Variants in TPTE observed in about 807,000 individuals in gnomAD.
TPTE encodes the protein putative tyrosine-protein phosphatase TPTE.
Under a neutral mutation model 84.1 loss-of-function variants are expected in TPTE, and 59 were observed. The ratio of observed to expected loss-of-function variants is 0.70; its 90% CI spans 0.57 to 0.87. TPTE has a LOEUF of 0.87. Ranked by LOEUF, TPTE falls within the 40% of genes least tolerant of loss-of-function variation. TPTE has a pLI of 0.00. For missense variants in TPTE, 382 were observed against 659.6 expected (o/e 0.58, Z 4.61); for synonymous variants, 130 against 223.5 (o/e 0.58, Z 3.73).
chr21:10,558,783 C>G (rs1448288713), intron 8 of TPTE, among the ~76,000 whole-genome samples: 1 of 152,090 alleles, frequency 6.6e-6, no homozygotes. Context: ...TGAAGAGCCT[C>G]CAACACAGGA....
At chr21:10,580,124 C>T (rs1246777435) in intron 17 of TPTE, among the ~76,000 whole-genome samples, 1 of 152,308 alleles carries the variant, frequency 6.6e-6, no homozygotes, top group Non-Finnish European at 1.5e-5. Context: ...AGCATTTTCT[C>T]ATTATACCTC....
chr21:10,586,368 G>A (rs534567044), intron 17 of TPTE, among the ~76,000 whole-genome samples: 1 of 152,182 alleles, frequency 6.6e-6, no homozygotes, highest in African/African-American at 2.4e-5. Flanking sequence ...TGAGAATTTT[G>A]TATTTATCTT....
Position 10,561,184 on chromosome 21 carries a change from G to A in TPTE, c.439G>A (p.Val147Ile), listed in dbSNP as rs117465555. The A allele has an allele frequency of 3.7e-3, 5,940 of 1,602,610 alleles. No individual in the cohort carries two copies. Among genetic ancestry groups the A allele is most frequent in the Non-Finnish European group, 4.4e-3 (5,195 of 1,171,354 alleles). Residue 147 changes from valine (V) to isoleucine (I), a missense_variant, in exon 10 of 24, where the codon GTA becomes ATA. Physicochemically the swap from Val to Ile is conservative, Grantham distance 29. Transcript: ENST00000618007. ...CATGGATGTTCTTCTTCGAGTATTT[G>A]TAGAAAGGTAAGTTTGATTATTTTT... ...FLMDVLLRVF[V>I]ERRQQYFSDL...
intron 14 of TPTE, among the ~76,000 whole-genome samples, chr21:10,574,995 GCAT>G (rs1230305459): frequency 3.9e-5 from 6 of 152,406 alleles, no homozygotes; most frequent in African/African-American, 1.4e-4. Flanking sequence ...GAGCCAGGCA[GCAT>G]CATTCTGCAG....
At chr21:10,572,042 C>G (rs1266033438) in intron 14 of TPTE, among the ~76,000 whole-genome samples, 1 of 152,108 alleles carries the variant, frequency 6.6e-6, no homozygotes, top group Non-Finnish European at 1.5e-5. Context: ...GCTTTAAAAA[C>G]AGACATGGGA....
Position 10,541,123 on chromosome 21 carries a change from C to T in TPTE, c.23C>T (p.Thr8Ile), listed in dbSNP as rs1302263000. The T allele has an allele frequency of 4.3e-6, 7 of 1,613,196 alleles. No individual in the cohort carries two copies. Among genetic ancestry groups the T allele is most frequent in the Admixed American group, 1.7e-5 (1 of 59,988 alleles). The change falls in exon 5 of 24, where the codon ACT becomes ATT. Residue 8 changes from threonine (T) to isoleucine (I), a missense_variant. Physicochemically the swap from Thr to Ile is moderately conservative, Grantham distance 89. Transcript: ENST00000618007. The stretch of plus-strand genomic sequence containing the variant: ...TATTTGTCCTTTAGTCCTGATCCGA[C>T]TGACCTGGCGGGAGTCATCATTGAG... MNESPDP[T>I]DLAGVIIELG...
chr21:10,573,800 T>C (rs1357763520), intron 14 of TPTE, among the ~76,000 whole-genome samples: 1 of 152,312 alleles, frequency 6.6e-6, no homozygotes, highest in African/African-American at 2.4e-5. Context: ...CCATGTGGTC[T>C]CTCATTCTCC....
intron 18 of TPTE, 97 bp downstream of exon 18, chr21:10,590,620 G>C: frequency 1.3e-6 from 2 of 1,570,214 alleles, no homozygotes; most frequent in Non-Finnish European, 1.7e-6. Flanking sequence ...TTTTAGTCAT[G>C]GTGCTTAGTA....
intron 9 of TPTE, among the ~76,000 whole-genome samples, 187 bp from the exon 10 acceptor site, chr21:10,560,843 T>A (rs1282040315): frequency 2.6e-5 from 4 of 152,428 alleles, no homozygotes; most frequent in Non-Finnish European, 2.9e-5. Flanking sequence ...GAACTGCTTC[T>A]ATTGGGTGAA....
intron 22 of TPTE, 71 bp from the exon 23 acceptor site, chr21:10,603,486 AGAAAG>A (rs1978843245): frequency 1.2e-5 from 17 of 1,398,898 alleles, no homozygotes; most frequent in African/African-American, 1.4e-5. Context: ...AAAAGAATAA[AGAAAG>A]GAACTTCAAT....
intron 21 of TPTE, among the ~76,000 whole-genome samples, chr21:10,599,321 C>T (rs2075646956): frequency 6.6e-6 from 1 of 152,310 alleles, no homozygotes; most frequent in Non-Finnish European, 1.5e-5. Flanking sequence ...GCCTAGATTT[C>T]CGCAGTGGTC....
intron 8 of TPTE, among the ~76,000 whole-genome samples, chr21:10,557,194 G>T (rs1259007600): frequency 6.6e-6 from 1 of 152,304 alleles, no homozygotes; most frequent in African/African-American, 2.4e-5. Context: ...GCTATGCTTC[G>T]TGTTGCTTCA....
intron 1 of TPTE, among the ~76,000 whole-genome samples, chr21:10,523,687 C>G (rs2074028473): frequency 1.3e-5 from 2 of 152,292 alleles, no homozygotes; most frequent in Non-Finnish European, 2.9e-5. Flanking sequence ...TTTCTTAATC[C>G]AGTCTATCAT....
At chr21:10,591,159 A>G (rs1448476569) in intron 18 of TPTE, among the ~76,000 whole-genome samples, 1 of 152,310 alleles carries the variant, frequency 6.6e-6, no homozygotes, top group East Asian at 1.9e-4. Context: ...TAGTCAATAC[A>G]TGTGGAGTCT....
chr21:10,539,553 C>T (rs1298394536), intron 4 of TPTE, among the ~76,000 whole-genome samples: 1 of 152,308 alleles, frequency 6.6e-6, no homozygotes, highest in African/African-American at 2.4e-5. Flanking sequence ...GTGCATTGGC[C>T]AGCTCCAGTG....
At chr21:10,538,826 CCATCCATCCATG>C in intron 4 of TPTE, 92 bp downstream of exon 4, 2 of 1,612,458 alleles carry the variant, frequency 1.2e-6, no homozygotes, top group South Asian at 1.1e-5. Flanking sequence ...ATATATCCAT[CCATCCATCCATG>C]CATCCATCCG....
chr21:10,605,347 G>T, intron 23 of TPTE, 70 bp from the exon 24 acceptor site: 1 of 1,563,118 alleles, frequency 6.4e-7, no homozygotes, highest in East Asian at 2.3e-5. Context: ...CAGCTCTAAC[G>T]TGGGTACCCA....
At chr21:10,593,734 A>C (rs1219114990) in intron 19 of TPTE, among the ~76,000 whole-genome samples, 1 of 152,312 alleles carries the variant, frequency 6.6e-6, no homozygotes, top group Non-Finnish European at 1.5e-5. Flanking sequence ...CTTGCTGTGC[A>C]CAGCTTGTCA....
intron 17 of TPTE, among the ~76,000 whole-genome samples, chr21:10,579,257 CACACCT>C (rs1333845728): frequency 8.5e-5 from 13 of 152,278 alleles, no homozygotes; most frequent in African/African-American, 2.9e-4. Flanking sequence ...CACAGTGGCT[CACACCT>C]GTAATCCCAG....
Sources: gnomAD v4.1 joint callset for allele counts (sites outside exome capture counted in the v4.1 genomes callset) on GRCh38, gnomAD v4.1.1 for gene constraint, MANE v1.5 for transcripts, NCBI Gene and HGNC (gene_info 2026-07-23, HGNC 2026-07-21) for gene names.